CACNA2D3: variants seen among roughly 807,000 people sequenced by gnomAD.
CACNA2D3 encodes the protein calcium voltage-gated channel auxiliary subunit alpha2delta 3, also known as voltage-dependent calcium channel subunit alpha-2/delta-3.
In CACNA2D3, 60 loss-of-function variants were observed where a neutral mutation model predicts 160.6. The observed-to-expected ratio is 0.37, with a 90% CI of 0.30 to 0.46. CACNA2D3 has a LOEUF of 0.46. Ranked by LOEUF, CACNA2D3 falls within the 20% of genes least tolerant of loss-of-function variation. The pLI is 1.00. For missense variants in CACNA2D3, 1,205 were observed against 1,365.0 expected, an observed-to-expected ratio of 0.88 and a Z score of 1.85; for synonymous variants, 558 against 492.9, an observed-to-expected ratio of 1.13 and a Z score of -1.75.
At chr3:54,420,511 C>T (rs1045423027) in intron 4 of CACNA2D3, among the ~76,000 whole-genome samples, 6 of 152,214 alleles carry the variant, frequency 3.9e-5, no homozygotes, top group Admixed American at 2.6e-4. Flanking sequence ...GTTTTGACCT[C>T]AGATCTCAGT....
At chr3:54,987,236 G>A (rs1293427049) in intron 30 of CACNA2D3, among the ~76,000 whole-genome samples, 1 of 152,128 alleles carries the variant, frequency 6.6e-6, no homozygotes, top group African/African-American at 2.4e-5. Context: ...CTGATGAAGT[G>A]GACTGCTGTA....
chr3:54,572,237 A>G (rs1013801830), intron 8 of CACNA2D3, among the ~76,000 whole-genome samples: 1 of 152,168 alleles, frequency 6.6e-6, no homozygotes, highest in Non-Finnish European at 1.5e-5. Flanking sequence ...AATCCTAAAG[A>G]CGAAAGGGAA....
At chr3:54,141,227 A>G (rs1699929173) in intron 2 of CACNA2D3, among the ~76,000 whole-genome samples, 1 of 152,136 alleles carries the variant, frequency 6.6e-6, no homozygotes, top group African/African-American at 2.4e-5. Flanking sequence ...AAAATTCCCT[A>G]AAAGCTCTTA....
intron 2 of CACNA2D3, among the ~76,000 whole-genome samples, chr3:54,294,688 C>G (rs770699521): frequency 1.5e-4 from 23 of 152,186 alleles, no homozygotes; most frequent in Non-Finnish European, 2.9e-4. Flanking sequence ...CTAACTTTCT[C>G]TCCCTCACAT....
intron 2 of CACNA2D3, among the ~76,000 whole-genome samples, chr3:54,204,473 A>G (rs1387860424): frequency 6.6e-6 from 1 of 152,142 alleles, no homozygotes; most frequent in Non-Finnish European, 1.5e-5. Flanking sequence ...AGAGAGGTGA[A>G]AACAATCAGA....
chr3:54,485,358 A>T (rs556615805), intron 4 of CACNA2D3, among the ~76,000 whole-genome samples: 70 of 152,246 alleles, frequency 4.6e-4, no homozygotes, highest in Non-Finnish European at 8.7e-4. Context: ...AAGGAAGTCT[A>T]GTTATTGGAC....
intron 11 of CACNA2D3, among the ~76,000 whole-genome samples, chr3:54,704,940 G>A (rs746519520): frequency 1.3e-5 from 2 of 152,020 alleles, no homozygotes; most frequent in Non-Finnish European, 2.9e-5. Context: ...AGAGTGCATT[G>A]AAGTCAAAGT....
At chr3:54,313,893 ATT>A (rs201946310) in intron 2 of CACNA2D3, among the ~76,000 whole-genome samples, 2,062 of 146,782 alleles carry the variant, frequency 0.014, 46 homozygotes, top group East Asian at 0.064. Context: ...CTTTCTTTAA[ATT>A]TTTTTTTTTT....
rs1459870734 is a variant in CACNA2D3, at chr3:54,790,592, AATTCCTG to A, written c.1380+26244_1380+26250del. Among the ~76,000 whole-genome samples, 6 of 152,300 alleles carry A rather than the reference AATTCCTG, an allele frequency of 3.9e-5. No homozygotes were observed. The South Asian group carries it at 1.2e-3, about 32-fold the overall frequency. On this transcript the variant is annotated intron_variant, in intron 13 of 37. Coordinates refer to ENST00000474759, the MANE Select transcript of CACNA2D3 (RefSeq NM_018398.3). ...ACAGGTGCACCTTCTAGGTGCTCGG[AATTCCTG>A]ATGCCTGATTATGCCATTCACACCT...
At chr3:54,997,874 G>T (rs573968927) in intron 31 of CACNA2D3, among the ~76,000 whole-genome samples, 1 of 152,268 alleles carries the variant, frequency 6.6e-6, no homozygotes, top group South Asian at 2.1e-4. Flanking sequence ...CAGATTCTTC[G>T]ATGAGGCCTC....
chr3:54,257,355 T>C (rs1702316602), intron 2 of CACNA2D3, among the ~76,000 whole-genome samples: 1 of 152,194 alleles, frequency 6.6e-6, no homozygotes, highest in Non-Finnish European at 1.5e-5. Flanking sequence ...AAGCGTGAAA[T>C]TAATTGTTCC....
intron 2 of CACNA2D3, among the ~76,000 whole-genome samples, chr3:54,308,843 G>C (rs941853193): frequency 1.3e-5 from 2 of 152,140 alleles, no homozygotes; most frequent in African/African-American, 4.8e-5. Context: ...CTGGGAGCAG[G>C]AAAGGTGAAT....
intron 10 of CACNA2D3, chr3:54,633,672 C>T (rs1699296295): frequency 6.6e-6 from 1 of 152,276 alleles, no homozygotes; most frequent in Non-Finnish European, 1.5e-5. Flanking sequence ...TCCCAGTGTA[C>T]AGGCTGGTTG....
chr3:54,403,035 G>T (rs1024383242), intron 4 of CACNA2D3, among the ~76,000 whole-genome samples: 5 of 152,138 alleles, frequency 3.3e-5, no homozygotes, highest in Non-Finnish European at 7.4e-5. Flanking sequence ...ACAACCCAGT[G>T]GGTCAAAGAA....
intron 27 of CACNA2D3, among the ~76,000 whole-genome samples, chr3:54,911,401 C>T (rs918527701): frequency 1.1e-4 from 13 of 119,378 alleles, no homozygotes; most frequent in African/African-American, 4.2e-4. Flanking sequence ...ACGTTTTTCC[C>T]CAGACTGGTC....
intron 3 of CACNA2D3, among the ~76,000 whole-genome samples, chr3:54,382,444 C>T (rs1235958047): frequency 6.6e-6 from 1 of 152,150 alleles, no homozygotes; most frequent in East Asian, 1.9e-4. Context: ...GTTCTATGGT[C>T]TTGACTTTGT....
At chr3:54,604,383 C>A in intron 9 of CACNA2D3, among the ~76,000 whole-genome samples, 1 of 152,190 alleles carries the variant, frequency 6.6e-6, no homozygotes. Context: ...ACACTGCCAA[C>A]CCTGATCTCA....
At position 54,239,267 on chromosome 3, in the gene CACNA2D3, G is replaced by C. The variant is rs4928019; in HGVS notation, c.205-81175G>C. Among the ~76,000 whole-genome samples, 7 of 151,964 alleles carry C rather than the reference G, an allele frequency of 4.6e-5. No homozygotes were observed. The South Asian group carries it at 1.0e-3, about 22-fold the overall frequency. On this transcript the variant is annotated intron_variant, in intron 2 of 37. Coordinates refer to ENST00000474759, the MANE Select transcript of CACNA2D3 (RefSeq NM_018398.3). ...TTTGAGTTGCTTTGCTTTCAACTCTGTAAGCAAGAATGCAGTTATTGTACT... is the reference window on the plus strand; with the variant it reads ...TTTGAGTTGCTTTGCTTTCAACTCTCTAAGCAAGAATGCAGTTATTGTACT...
intron 4 of CACNA2D3, among the ~76,000 whole-genome samples, chr3:54,459,811 T>C (rs947041046): frequency 1.4e-3 from 207 of 152,256 alleles, no homozygotes; most frequent in African/African-American, 4.5e-3. Context: ...CTTTTGTTGC[T>C]ATTGCTTTTG....
Sources: gnomAD v4.1 joint callset for allele counts (sites outside exome capture counted in the v4.1 genomes callset) on GRCh38, gnomAD v4.1.1 for gene constraint, MANE v1.5 for transcripts, NCBI Gene and HGNC (gene_info 2026-07-23, HGNC 2026-07-21) for gene names.